Variants in DMXL1 observed in about 807,000 individuals in gnomAD.
DMXL1 encodes the protein dmX-like protein 1.
In DMXL1, 99 loss-of-function variants were observed where a neutral mutation model predicts 319.2. The observed-to-expected ratio is 0.31, with a 90% CI of 0.26 to 0.37. The LOEUF is 0.37. Among genes scored for constraint, DMXL1 ranks in the 10% least tolerant of loss-of-function variants. The pLI, the probability that DMXL1 is intolerant of heterozygous loss-of-function variation, is 1.00. For missense variants in DMXL1, 3,745 were observed against 3,595.6 expected, an observed-to-expected ratio of 1.04 and a Z score of -1.06; for synonymous variants, 1,385 against 1,235.2, an observed-to-expected ratio of 1.12 and a Z score of -2.54.
rs372733234 is a variant in DMXL1 at position 119,165,032 on chromosome 5, T to C, written c.4873-151T>C. 16 of 529,140 alleles carry C rather than the reference T, an allele frequency of 3.0e-5. No individual in the cohort carries two copies. The East Asian group carries it at 3.8e-4, about 13-fold the overall frequency. The allele number at this position is 529,140 out of a possible 1,614,324, so 32.8% of individuals were successfully genotyped here. A position where few individuals can be genotyped will look rare whatever the true frequency, so the allele number is the denominator to read the frequency against. On this transcript the variant is annotated intron_variant, in intron 20 of 43. Transcript: ENST00000539542. Reference sequence around the variant, plus strand: ...CCACCACTGTAAGTCACTTTTGTTATTATTTTATATATACATGCACATATT... The same window carrying C: ...CCACCACTGTAAGTCACTTTTGTTACTATTTTATATATACATGCACATATT...
chr5:119,194,553 A>G (rs142083538), intron 30 of DMXL1, among the ~76,000 whole-genome samples: 5 of 152,324 alleles, frequency 3.3e-5, no homozygotes, highest in East Asian at 1.9e-4. Context: ...TGGTATGTTA[A>G]TGGTGTGATA....
At chr5:119,075,548 C>T (rs906881895) in intron 1 of DMXL1, among the ~76,000 whole-genome samples, 1 of 152,010 alleles carries the variant, frequency 6.6e-6, no homozygotes, top group African/African-American at 2.4e-5. Context: ...CTGTTAGTTT[C>T]TTTTTCAAAG....
intron 1 of DMXL1, chr5:119,081,554 G>T (rs958253579): frequency 2.8e-5 from 28 of 985,038 alleles, no homozygotes; most frequent in Non-Finnish European, 2.4e-5. Context: ...TTGGCTTCTG[G>T]TTAAGTTTTG....
intron 1 of DMXL1, among the ~76,000 whole-genome samples, chr5:119,075,752 C>T (rs1278959506): frequency 1.3e-5 from 2 of 151,540 alleles, no homozygotes; most frequent in East Asian, 1.9e-4. Flanking sequence ...AAAATGGAGG[C>T]TGGGGTCTCC....
chr5:119,148,515 C>G (rs1351193210), intron 17 of DMXL1, among the ~76,000 whole-genome samples: 2 of 152,054 alleles, frequency 1.3e-5, no homozygotes, highest in Non-Finnish European at 2.9e-5. Flanking sequence ...ATATACCTTT[C>G]TGATGTCATT....
At chr5:119,239,117 T>C in intron 41 of DMXL1, 37 bp downstream of exon 41, 1 of 1,604,966 alleles carries the variant, frequency 6.2e-7, no homozygotes. Flanking sequence ...TATGAGAAAG[T>C]ATAGCTGAAC....
At position 119,248,060 on chromosome 5, in the gene DMXL1, A is replaced by G. The variant is rs1263467008; in HGVS notation, c.*841A>G. 6.6e-6 allele frequency: 1 copy of G among 152,144 alleles called. No homozygotes were observed. Among genetic ancestry groups the G allele is most frequent in the South Asian group, 2.1e-4 (1 of 4,834 alleles). The allele number at this position is 152,144 out of a possible 1,614,324, so 9.4% of individuals were successfully genotyped here. A position where few individuals can be genotyped will look rare whatever the true frequency, so the allele number is the denominator to read the frequency against. On this transcript the variant is annotated 3_prime_UTR_variant, in exon 44 of 44. Transcript: ENST00000539542. ...TTAGTCAAATAAGTCTTAGCAGGCA[A>G]TAAAGTTTCTGTGGTGGCATATATC...
intron 19 of DMXL1, among the ~76,000 whole-genome samples, chr5:119,155,009 A>AG (rs1198507025): frequency 1.3e-5 from 2 of 152,274 alleles, no homozygotes; most frequent in Admixed American, 6.5e-5. Flanking sequence ...CTCTGTTTAT[A>AG]GCATAATTTA....
At chr5:119,196,518 T>G (rs578107256) in intron 31 of DMXL1, 62 bp downstream of exon 31, 177 of 896,030 alleles carry the variant, frequency 2.0e-4, no homozygotes, top group East Asian at 1.7e-3. Context: ...CTCTGTTGTT[T>G]TTTTTTTTTT....
intron 34 of DMXL1, among the ~76,000 whole-genome samples, chr5:119,207,690 T>G (rs1476772194): frequency 6.6e-6 from 1 of 151,990 alleles, no homozygotes; most frequent in Non-Finnish European, 1.5e-5. Context: ...GGCTAATTCT[T>G]TTTGTATTTT....
intron 9 of DMXL1, among the ~76,000 whole-genome samples, chr5:119,124,181 G>A (rs1034530442): frequency 1.3e-5 from 2 of 151,820 alleles, no homozygotes; most frequent in African/African-American, 4.8e-5. Flanking sequence ...CAGGTGTGGT[G>A]GCAGGCACCT....
chr5:119,197,094 G>A (rs534347639), intron 31 of DMXL1, among the ~76,000 whole-genome samples: 1 of 152,160 alleles, frequency 6.6e-6, no homozygotes, highest in South Asian at 2.1e-4. Context: ...GTATGGATGG[G>A]CAGAACTGCT....
At chr5:119,183,363 G>A (rs1384937261) in intron 28 of DMXL1, among the ~76,000 whole-genome samples, 1 of 152,176 alleles carries the variant, frequency 6.6e-6, no homozygotes, top group Non-Finnish European at 1.5e-5. Context: ...CAAAATAGGT[G>A]ATTTAAAATA....
chr5:119,125,166 CAGT>C (rs764769597), intron 9 of DMXL1, among the ~76,000 whole-genome samples: 5 of 152,222 alleles, frequency 3.3e-5, no homozygotes, highest in Non-Finnish European at 5.9e-5. Context: ...GAATTTTTGA[CAGT>C]AGAAACAAAA....
intron 2 of DMXL1, among the ~76,000 whole-genome samples, chr5:119,098,725 A>C (rs1413162070): frequency 6.6e-6 from 1 of 152,240 alleles, no homozygotes; most frequent in African/African-American, 2.4e-5. Context: ...CAGAATGAGA[A>C]AGTCATACTA....
At chr5:119,107,652 A>G (rs962363100) in intron 4 of DMXL1, among the ~76,000 whole-genome samples, 5 of 152,208 alleles carry the variant, frequency 3.3e-5, no homozygotes, top group African/African-American at 1.2e-4. Context: ...ATTCTGTATT[A>G]AATTCTTAAT....
chr5:119,183,885 A>G (rs1379243448), intron 28 of DMXL1, among the ~76,000 whole-genome samples: 1 of 152,236 alleles, frequency 6.6e-6, no homozygotes, highest in East Asian at 1.9e-4. Context: ...ATACAAGAGT[A>G]GAGAAAGCGT....
Position 119,108,844 on chromosome 5 carries a change from C to T in DMXL1, c.365-1307C>T, listed in dbSNP as rs573286774. 5.9e-5 allele frequency among the ~76,000 whole-genome samples: 9 copies of T among 152,070 alleles called. No individual in the cohort carries two copies. In the South Asian group the frequency reaches 1.0e-3, roughly 18 times the overall value. On this transcript the variant is annotated intron_variant, in intron 4 of 43. Coordinates refer to ENST00000539542, the MANE Select transcript of DMXL1 (RefSeq NM_001290321.3). ...GAGGTGGTGTTTCGCTCTTGTTGCT[C>T]AGGCTGGAGTGCAATGGTGTGATCT...
At chr5:119,092,303 T>C (rs78358359) in intron 1 of DMXL1, among the ~76,000 whole-genome samples, 2 of 152,086 alleles carry the variant, frequency 1.3e-5, no homozygotes, top group South Asian at 4.1e-4. Flanking sequence ...TCTTTTTTTT[T>C]CACATAGGGT....
Sources: allele counts gnomAD v4.1 joint callset (sites outside exome capture counted in the v4.1 genomes callset), GRCh38; gene constraint gnomAD v4.1.1; transcripts MANE v1.5; gene names NCBI Gene and HGNC (gene_info 2026-07-23, HGNC 2026-07-21).